DGKB: variants seen among roughly 807,000 people sequenced by gnomAD.
DGKB encodes the protein diacylglycerol kinase beta.
A neutral mutation model predicts 114.3 loss-of-function variants in DGKB; 67 were observed. The observed-to-expected ratio is 0.59, with a 90% CI of 0.48 to 0.72. DGKB has a LOEUF of 0.72. Among genes scored for constraint, DGKB ranks in the 30% least tolerant of loss-of-function variants. The pLI, the probability that DGKB is intolerant of heterozygous loss-of-function variation, is 0.00. For synonymous variants in DGKB, 398 were observed against 323.1 expected (o/e 1.23, Z -2.49); for missense variants, 907 against 975.2 (o/e 0.93, Z 0.93).
chr7:14,399,576 G>T (rs1822773141), intron 21 of DGKB, among the ~76,000 whole-genome samples: 1 of 151,824 alleles, frequency 6.6e-6, no homozygotes, highest in Non-Finnish European at 1.5e-5. Flanking sequence ...GGAAAAAAAT[G>T]TGAATTGATT....
chr7:14,656,657 T>C (rs1815857401), intron 13 of DGKB, among the ~76,000 whole-genome samples: 1 of 151,404 alleles, frequency 6.6e-6, no homozygotes, highest in South Asian at 2.1e-4. Flanking sequence ...GCAAACCAAA[T>C]GTGGCACAAG....
chr7:14,564,860 A>G (rs1212523669), intron 20 of DGKB, among the ~76,000 whole-genome samples: 1 of 151,984 alleles, frequency 6.6e-6, no homozygotes, highest in African/African-American at 2.4e-5. Context: ...TTCTTCTAGT[A>G]GACTCTAGGT....
chr7:14,281,366 C>T (rs1799925050), intron 23 of DGKB, among the ~76,000 whole-genome samples: 1 of 124,656 alleles, frequency 8.0e-6, no homozygotes, highest in Admixed American at 8.9e-5. Flanking sequence ...TAAAGCGAGT[C>T]CTGAGTGACC....
intron 20 of DGKB, among the ~76,000 whole-genome samples, chr7:14,571,777 A>G (rs1798422926): frequency 6.6e-6 from 1 of 152,212 alleles, no homozygotes; most frequent in Non-Finnish European, 1.5e-5. Context: ...GCGATGACAA[A>G]GAAAAGAAGA....
chr7:14,268,762 T>C (rs1797878849), intron 23 of DGKB: 2 of 152,226 alleles, frequency 1.3e-5, no homozygotes, highest in Non-Finnish European at 2.9e-5. Context: ...GAACATATAC[T>C]GGACATTTTA....
intron 23 of DGKB, among the ~76,000 whole-genome samples, chr7:14,307,792 T>A (rs193171676): frequency 2.0e-5 from 3 of 152,292 alleles, no homozygotes; most frequent in African/African-American, 7.2e-5. Flanking sequence ...TCTTTTAGAA[T>A]CATAATGTCT....
chr7:14,970,642 G>A (rs1172078552), intron 1 of DGKB, among the ~76,000 whole-genome samples: 6 of 152,012 alleles, frequency 3.9e-5, no homozygotes, highest in African/African-American at 1.2e-4. Flanking sequence ...AAGTGAAAGC[G>A]GGTAAAATTG....
intron 13 of DGKB, among the ~76,000 whole-genome samples, chr7:14,636,530 A>G (rs1160231150): frequency 1.3e-5 from 2 of 151,876 alleles, no homozygotes; most frequent in East Asian, 3.9e-4. Context: ...ATGTAATGTT[A>G]TATACATCCA....
At chr7:14,258,434 CAT>C (rs1408184379) in intron 23 of DGKB, among the ~76,000 whole-genome samples, 1 of 152,124 alleles carries the variant, frequency 6.6e-6, no homozygotes, top group Non-Finnish European at 1.5e-5. Flanking sequence ...TAATTAAAGA[CAT>C]GTTTTCAAAG....
At chr7:14,924,470 T>C (rs1039768787) in intron 1 of DGKB, among the ~76,000 whole-genome samples, 1 of 152,200 alleles carries the variant, frequency 6.6e-6, no homozygotes, top group African/African-American at 2.4e-5. Context: ...ACTTTTGTTC[T>C]TCTCTCCTTT....
intron 8 of DGKB, 108 bp downstream of exon 8, chr7:14,697,987 G>GAGAAAGAAAAAA (rs1824354628): frequency 3.1e-6 from 2 of 652,210 alleles, no homozygotes; most frequent in Non-Finnish European, 5.3e-6. Context: ...GAAAGAGAGA[G>GAGAAAGAAAAAA]AGAAAGAAAA....
intron 23 of DGKB, among the ~76,000 whole-genome samples, chr7:14,328,512 T>A (rs1809154722): frequency 6.6e-6 from 1 of 152,026 alleles, no homozygotes; most frequent in Admixed American, 6.6e-5. Flanking sequence ...AATGGAATTG[T>A]TCAAAGATAC....
rs115302249 is a variant in DGKB, at chr7:14,670,871, G to A, written c.1134+2058C>T. 6.8e-3 allele frequency among the ~76,000 whole-genome samples: 1,042 copies of A among 152,174 alleles called. 16 individuals carry two copies. The highest frequency in any genetic ancestry group is 0.022 in the African/African-American group (929 of 41,530). The stretch of plus-strand genomic sequence containing the variant: ...AGCAAAGATTTGTCTTTGTTTTAAT[G>A]TTTTCTTTCCTACCTATAATACTGT... On this transcript the variant is annotated intron_variant, in intron 13 of 25. Coordinates refer to ENST00000402815, the MANE Select transcript of DGKB (RefSeq NM_001350709.2).
chr7:14,281,272 A>G (rs1274029467), intron 23 of DGKB, among the ~76,000 whole-genome samples: 20 of 151,768 alleles, frequency 1.3e-4, no homozygotes, highest in Admixed American at 2.0e-4. Flanking sequence ...AAAGACCATT[A>G]CATAATGGTA....
At chr7:14,586,259 T>C (rs1304094783) in intron 17 of DGKB, among the ~76,000 whole-genome samples, 1 of 152,094 alleles carries the variant, frequency 6.6e-6, no homozygotes, top group East Asian at 1.9e-4. Flanking sequence ...TTATTGCTGA[T>C]AGGGAGAATG....
intron 21 of DGKB, among the ~76,000 whole-genome samples, chr7:14,458,700 C>G (rs1446601396): frequency 7.9e-5 from 12 of 152,304 alleles, no homozygotes; most frequent in Non-Finnish European, 1.5e-4. Flanking sequence ...GTCTTTGCAA[C>G]CTGCACACCA....
At chr7:14,533,964 A>G (rs1792009030) in intron 20 of DGKB, among the ~76,000 whole-genome samples, 1 of 152,120 alleles carries the variant, frequency 6.6e-6, no homozygotes, top group South Asian at 2.1e-4. Context: ...ATGAAAGCCT[A>G]TGATAGTACA....
At chr7:14,285,001 T>TA (rs1170032668) in intron 23 of DGKB, among the ~76,000 whole-genome samples, 1 of 144,542 alleles carries the variant, frequency 6.9e-6, no homozygotes, top group East Asian at 2.1e-4. Context: ...CCCTAAAACT[T>TA]AAAGTATAAT....
At chr7:14,188,404 T>TTC in intron 23 of DGKB, among the ~76,000 whole-genome samples, 1 of 120,674 alleles carries the variant, frequency 8.3e-6, no homozygotes, top group Non-Finnish European at 1.8e-5. Context: ...CTCACGCCTG[T>TTC]AATCCCAGCA....
Sources: allele counts gnomAD v4.1 joint callset (sites outside exome capture counted in the v4.1 genomes callset), GRCh38; gene constraint gnomAD v4.1.1; transcripts MANE v1.5; gene names NCBI Gene and HGNC (gene_info 2026-07-23, HGNC 2026-07-21).